Variants in ARHGAP32 observed in about 807,000 individuals in gnomAD.
ARHGAP32 encodes the protein Rho GTPase activating protein 32.
ARHGAP32 carries 51 observed loss-of-function variants against 186.5 expected under a neutral mutation model. That is an observed-to-expected ratio of 0.27 (90% CI 0.22 to 0.35). ARHGAP32 has a LOEUF of 0.35. Ranked by LOEUF, ARHGAP32 falls within the 10% of genes least tolerant of loss-of-function variation. ARHGAP32 has a pLI of 1.00. For synonymous variants in ARHGAP32, 950 were observed against 964.3 expected (o/e 0.99, Z 0.27); for missense variants, 2,186 against 2,623.5 (o/e 0.83, Z 3.64).
chr11:129,037,755 C>A (rs1010053123), intron 11 of ARHGAP32, among the ~76,000 whole-genome samples: 1 of 151,764 alleles, frequency 6.6e-6, no homozygotes, highest in East Asian at 1.9e-4. Context: ...TTCCCCACTG[C>A]AAAACTTACT....
chr11:129,106,021 A>G (rs554045335), intron 5 of ARHGAP32, among the ~76,000 whole-genome samples: 1 of 152,328 alleles, frequency 6.6e-6, no homozygotes, highest in East Asian at 1.9e-4. Flanking sequence ...AAAAGACAAC[A>G]GATGTTGGTG....
chr11:129,026,799 T>TG (rs1324188457), intron 11 of ARHGAP32, among the ~76,000 whole-genome samples: 10 of 26,836 alleles, frequency 3.7e-4, no homozygotes, highest in Non-Finnish European at 6.9e-4. Context: ...GACTCCATCT[T>TG]GGAAAAAAAA....
intron 2 of ARHGAP32, among the ~76,000 whole-genome samples, chr11:129,131,498 C>CA (rs766067408): frequency 2.0e-5 from 3 of 151,868 alleles, no homozygotes; most frequent in Non-Finnish European, 4.4e-5. Flanking sequence ...CAAAACCACC[C>CA]AAAGAAAACA....
At chr11:129,104,664 G>A (rs1309863242) in intron 5 of ARHGAP32, among the ~76,000 whole-genome samples, 1 of 151,416 alleles carries the variant, frequency 6.6e-6, no homozygotes, top group Non-Finnish European at 1.5e-5. Flanking sequence ...AAAAAGCAAG[G>A]AGATAAGAAG....
chr11:129,269,698 C>CA (rs1284664913), intron 1 of ARHGAP32, among the ~76,000 whole-genome samples: 1 of 152,104 alleles, frequency 6.6e-6, no homozygotes, highest in East Asian at 1.9e-4. Flanking sequence ...TCCTGGGTGA[C>CA]AGAGTAAAAC....
chr11:128,971,273 C>A, intron 22 of ARHGAP32, 114 bp from the exon 23 acceptor site: 2 of 867,092 alleles, frequency 2.3e-6, no homozygotes, highest in South Asian at 1.8e-5. Flanking sequence ...TGAACTTTCC[C>A]AAGCCATGTG....
In ARHGAP32 at chr11:129,270,299, A is replaced by T. The variant is rs545542917; in HGVS notation, c.-5+8847T>A. ...CATACTCTATGATTCTAACTATATGACATTCTGGAAAAGGCAAAAGTATGG... is the reference window on the plus strand; with the variant it reads ...CATACTCTATGATTCTAACTATATGTCATTCTGGAAAAGGCAAAAGTATGG... On this transcript the variant is annotated intron_variant, in intron 1 of 6. Transcript: ENST00000525234. Among the ~76,000 whole-genome samples, 7 of 152,312 alleles carry T rather than the reference A, an allele frequency of 4.6e-5. No homozygotes were observed. In the South Asian group the frequency reaches 1.2e-3, roughly 27 times the overall value.
chr11:129,004,559 G>A (rs1389105023), intron 11 of ARHGAP32, among the ~76,000 whole-genome samples: 7 of 152,022 alleles, frequency 4.6e-5, no homozygotes, highest in Non-Finnish European at 1.0e-4. Flanking sequence ...AGTGTTGGGT[G>A]CATATATATT....
intron 12 of ARHGAP32, among the ~76,000 whole-genome samples, chr11:128,997,019 T>C (rs2134725802): frequency 6.6e-6 from 1 of 152,316 alleles, no homozygotes; most frequent in Admixed American, 6.5e-5. Flanking sequence ...GCGCAAGCTA[T>C]CTGCCTGCCT....
chr11:128,980,829 T>C, intron 17 of ARHGAP32, 81 bp from the exon 18 acceptor site: 1 of 1,062,382 alleles, frequency 9.4e-7, no homozygotes, highest in East Asian at 2.4e-5. Flanking sequence ...TCTCCATCTA[T>C]CTACCTATCT....
At chr11:129,249,102 G>C (rs760292415) in intron 1 of ARHGAP32, among the ~76,000 whole-genome samples, 68 of 152,102 alleles carry the variant, frequency 4.5e-4, no homozygotes, top group Non-Finnish European at 8.1e-4. Context: ...ACATTTAAAA[G>C]AGAATCTTTC....
chr11:129,228,501 T>A (rs1333278788), intron 1 of ARHGAP32, among the ~76,000 whole-genome samples: 1 of 152,146 alleles, frequency 6.6e-6, no homozygotes, highest in African/African-American at 2.4e-5. Context: ...ATTTAAAAGA[T>A]AACAAAATTG....
intron 1 of ARHGAP32, among the ~76,000 whole-genome samples, chr11:129,224,760 G>C (rs912083548): frequency 5.1e-5 from 5 of 97,958 alleles, no homozygotes; most frequent in Admixed American, 3.8e-4. Context: ...CTCACAGCTT[G>C]GCTAGAGCAA....
intron 5 of ARHGAP32, among the ~76,000 whole-genome samples, chr11:129,118,175 C>G (rs1307721207): frequency 6.6e-6 from 1 of 151,894 alleles, no homozygotes; most frequent in Admixed American, 6.6e-5. Flanking sequence ...GAATCATTAA[C>G]AATACCTGTT....
intron 1 of ARHGAP32, among the ~76,000 whole-genome samples, chr11:129,179,471 G>T (rs1179182759): frequency 6.6e-6 from 1 of 152,100 alleles, no homozygotes; most frequent in African/African-American, 2.4e-5. Flanking sequence ...TATAAATCAT[G>T]CTGCTATAAA....
rs140466036 is a variant in ARHGAP32, at chr11:129,001,618, G to A, written c.1046-3150C>T. On this transcript the variant is annotated intron_variant, in intron 11 of 22. Transcript: ENST00000682385. Reference sequence around the variant, plus strand: ...CTGTGCAGAAGCTTTTAAACTTGATGTGATCCCACTGTCCATTTTTGCCTT... The same window carrying A: ...CTGTGCAGAAGCTTTTAAACTTGATATGATCCCACTGTCCATTTTTGCCTT... 2.6e-5 allele frequency among the ~76,000 whole-genome samples: 4 copies of A among 152,216 alleles called. No individual in the cohort carries two copies. The East Asian group carries it at 7.7e-4, about 29-fold the overall frequency.
chr11:129,257,090 T>C (rs1053727366), intron 1 of ARHGAP32, among the ~76,000 whole-genome samples: 1 of 152,166 alleles, frequency 6.6e-6, no homozygotes, highest in Admixed American at 6.6e-5. Context: ...AAGACATTGA[T>C]AGTTTTTAAG....
intron 11 of ARHGAP32, among the ~76,000 whole-genome samples, chr11:129,011,821 T>C (rs1300868473): frequency 2.0e-5 from 3 of 151,848 alleles, no homozygotes; most frequent in African/African-American, 4.8e-5. Context: ...CAGGATACAT[T>C]AAGTCAAAAA....
chr11:129,226,244 C>T (rs1364664326), intron 1 of ARHGAP32, among the ~76,000 whole-genome samples: 1 of 152,142 alleles, frequency 6.6e-6, no homozygotes, highest in Admixed American at 6.6e-5. Context: ...TGGCCAAAAC[C>T]TTTACAACTT....
Sources: gnomAD v4.1 joint callset for allele counts (sites outside exome capture counted in the v4.1 genomes callset) on GRCh38, gnomAD v4.1.1 for gene constraint, MANE v1.5 for transcripts, NCBI Gene and HGNC (gene_info 2026-07-23, HGNC 2026-07-21) for gene names.